The following LMO2 variants were observed in gnomAD, a reference collection of about 807,000 sequenced individuals.
LMO2 encodes the protein LIM domain only 2.
Under a neutral mutation model 23.2 loss-of-function variants are expected in LMO2, and 20 were observed. The observed-to-expected ratio is 0.86, with a 90% confidence interval of 0.61 to 1.25. The LOEUF (loss-of-function observed/expected upper bound fraction) is 1.25. Among genes scored for constraint, LMO2 ranks in the 50% most tolerant of loss-of-function variants. The pLI is 0.00. For synonymous variants in LMO2, 123 were observed against 130.2 expected, an observed-to-expected ratio of 0.94 and a Z score of 0.38; for missense variants, 270 against 315.3, an observed-to-expected ratio of 0.86 and a Z score of 1.09.
rs1048341688 is a variant in LMO2, at chr11:33,880,553, G to A, written c.-272+1271C>T. Reference sequence around the variant, plus strand: ...ATTGTTTAATGGACAAAACATTTCAGTTGGAAAACATTAAAAAGTTCTAGA... The same window carrying A: ...ATTGTTTAATGGACAAAACATTTCAATTGGAAAACATTAAAAAGTTCTAGA... On this transcript the variant is annotated intron_variant, in intron 2 of 5. Transcript: ENST00000257818. This position sits in a 1 kb window ranked among gnomAD's most constrained non-coding sequence, Gnocchi z 4.3. The A allele has an allele frequency of 1.3e-5, 2 of 152,186 alleles. No individual in the cohort carries two copies. The highest frequency in any genetic ancestry group is 2.4e-5 in the African/African-American group (1 of 41,410). The allele number at this position is 152,186 out of a possible 1,614,324, so 9.4% of individuals were successfully genotyped here.
Position 33,859,355 on chromosome 11 carries a change from C to G in LMO2, c.*1G>C, listed in dbSNP as rs1488937071. 3 of 1,611,960 alleles carry G rather than the reference C, an allele frequency of 1.9e-6. No homozygotes were observed. The highest frequency in any genetic ancestry group is 1.7e-4 in the Middle Eastern group (1 of 6,020). The stretch of plus-strand genomic sequence containing the variant: ...CCCCAAAGATGCCCGGGGACTCGGG[C>G]CTATATCATCCCATTGATCTTAGTC... On this transcript the variant is annotated 3_prime_UTR_variant, in exon 6 of 6. Transcript: ENST00000257818.
intron 2 of LMO2, among the ~76,000 whole-genome samples, chr11:33,871,461 G>A (rs1161193065): frequency 1.3e-5 from 2 of 151,254 alleles, no homozygotes; most frequent in Admixed American, 6.6e-5. Flanking sequence ...CTAGCTACTC[G>A]GGAGGCGGAG....
intron 2 of LMO2, chr11:33,870,597 C>T: frequency 1.0e-6 from 1 of 985,548 alleles, no homozygotes; most frequent in Non-Finnish European, 1.2e-6. Context: ...CAGCTAATCC[C>T]AGAGGGAGGG....
intron 2 of LMO2, chr11:33,881,011 C>T (rs1857267991): frequency 5.7e-6 from 2 of 352,502 alleles, no homozygotes; most frequent in African/African-American, 2.1e-5. Flanking sequence ...TGCAAAGCCA[C>T]AGCATTAAGG....
intron 2 of LMO2, chr11:33,870,488 C>A (rs1199442203): frequency 1.0e-6 from 1 of 983,314 alleles, no homozygotes; most frequent in South Asian, 4.7e-5. Flanking sequence ...CTGCGGGCTC[C>A]GGGCTGCGGG....
intron 2 of LMO2, among the ~76,000 whole-genome samples, chr11:33,877,234 C>T (rs1373396152): frequency 6.6e-6 from 1 of 152,178 alleles, no homozygotes; most frequent in Non-Finnish European, 1.5e-5. Context: ...AAGAAGGTGC[C>T]AGAAGCCATT....
rs574563525 is a variant in LMO2, at chr11:33,869,250, C to G, written c.248+96G>C. On this transcript the variant is annotated intron_variant, in intron 4 of 5. Coordinates refer to ENST00000257818, the MANE Select transcript of LMO2 (RefSeq NM_005574.4). ...CCAAGGGCACGCCGCGAGCGCGCAC[C>G]TGGAGCCCCCTCGCGGGCCGCCCGG... is the stretch of plus-strand genomic sequence containing the variant. The G allele has an allele frequency of 2.0e-5, 19 of 939,348 alleles. 1 individual carries two copies. In the South Asian group the frequency reaches 8.2e-4, roughly 40 times the overall value. 58.2% of individuals were successfully genotyped at this position (939,348 alleles called of 1,614,324 possible).
In LMO2 at chr11:33,869,867, A is replaced by G; in HGVS notation, c.-151T>C. ...GCGCGCTGCTCGCCGCCGAGGGCAG[A>G]GAGGGGGCGGCGGCCTAGGGGCGGG... On this transcript the variant is annotated 5_prime_UTR_variant, in exon 3 of 6. Transcript: ENST00000257818. 2 of 1,053,564 alleles carry G rather than the reference A, an allele frequency of 1.9e-6. No homozygotes were observed. Among genetic ancestry groups the G allele is most frequent in the South Asian group, 4.6e-5 (1 of 21,934 alleles). 65.3% of individuals were successfully genotyped at this position (1,053,564 alleles called of 1,614,324 possible). A position where few individuals can be genotyped will look rare whatever the true frequency, so the allele number is the denominator to read the frequency against.
intron 4 of LMO2, chr11:33,865,076 G>T: frequency 1.9e-6 from 1 of 539,058 alleles, no homozygotes; most frequent in South Asian, 2.0e-5. Flanking sequence ...AAAGGCAATT[G>T]CAGGTGGCAC....
intron 5 of LMO2, among the ~76,000 whole-genome samples, chr11:33,860,182 T>C (rs546234853): frequency 6.6e-6 from 1 of 152,254 alleles, no homozygotes; most frequent in South Asian, 2.1e-4. Context: ...AAACACGCGG[T>C]GCAGCTAATC....
chr11:33,885,169 C>T (rs1004690667), intron 1 of LMO2, among the ~76,000 whole-genome samples: 14 of 152,208 alleles, frequency 9.2e-5, no homozygotes, highest in South Asian at 4.1e-4. Context: ...GTATTTGGGA[C>T]GTCAGGAAGA....
intron 5 of LMO2, among the ~76,000 whole-genome samples, chr11:33,859,965 G>A (rs1329649964): frequency 6.6e-6 from 1 of 152,112 alleles, no homozygotes; most frequent in African/African-American, 2.4e-5. Flanking sequence ...GCTGGAGAGA[G>A]ACCCTAGGGG....
At chr11:33,890,747 G>T (rs1857526274) in intron 1 of LMO2, among the ~76,000 whole-genome samples, 2 of 151,940 alleles carry the variant, frequency 1.3e-5, no homozygotes, top group Admixed American at 6.6e-5. Flanking sequence ...GACTGATGAG[G>T]GCTAAGTACC....
chr11:33,880,152 CATATATATACATATG>C lies in LMO2; in HGVS notation c.-272+1657_-272+1671del, dbSNP rs1279226769. On this transcript the variant is annotated intron_variant, in intron 2 of 5. Coordinates refer to ENST00000257818, the MANE Select transcript of LMO2 (RefSeq NM_005574.4). This position sits in a 1 kb window ranked among gnomAD's most constrained non-coding sequence, Gnocchi z 4.3. ...ATATACGCATACTATTTTATGTGTA[CATATATATACATATG>C]ATATATACACATGATATATATATCA... is the stretch of plus-strand genomic sequence containing the variant. Among the ~76,000 whole-genome samples the C allele has an allele frequency of 2.6e-5, 1 of 38,058 alleles. No homozygotes were observed. Among genetic ancestry groups the C allele is most frequent in the African/African-American group, 1.1e-4 (1 of 8,860 alleles). 25.0% of individuals were successfully genotyped at this position (38,058 alleles called of 152,430 possible). A position where few individuals can be genotyped will look rare whatever the true frequency, so the allele number is the denominator to read the frequency against.
Position 33,880,411 on chromosome 11 carries a change from G to A in LMO2, c.-272+1413C>T, listed in dbSNP as rs79029462. 6.7e-3 allele frequency among the ~76,000 whole-genome samples: 1,013 copies of A among 152,060 alleles called. 12 individuals are homozygous for A. The highest frequency in any genetic ancestry group is 0.021 in the African/African-American group (874 of 41,460). On this transcript the variant is annotated intron_variant, in intron 2 of 5. Coordinates refer to ENST00000257818, the MANE Select transcript of LMO2 (RefSeq NM_005574.4). This position sits in a 1 kb window ranked among gnomAD's most constrained non-coding sequence, Gnocchi z 4.3. Reference sequence around the variant, plus strand: ...AATTTGAAGACATTGAGTGATATAAGCCAGTCCTGAGAGGACAAAGACTAT... The same window carrying A: ...AATTTGAAGACATTGAGTGATATAAACCAGTCCTGAGAGGACAAAGACTAT...
At chr11:33,860,705 G>A (rs566157516) in intron 5 of LMO2, among the ~76,000 whole-genome samples, 13 of 152,274 alleles carry the variant, frequency 8.5e-5, no homozygotes, top group East Asian at 3.9e-4. Context: ...GGGAGGTGGA[G>A]GTTGCAGTGA....
At chr11:33,866,055 T>G (rs950522499) in intron 4 of LMO2, among the ~76,000 whole-genome samples, 3 of 152,202 alleles carry the variant, frequency 2.0e-5, no homozygotes, top group African/African-American at 7.2e-5. Context: ...AATCCATGTC[T>G]CCTATTTCTA....
In LMO2 at chr11:33,869,720, G is replaced by T. The variant is rs1239561782; in HGVS notation, c.-4C>A. On this transcript the variant is annotated 5_prime_UTR_variant, in exon 3 of 6. Coordinates refer to ENST00000257818, the MANE Select transcript of LMO2 (RefSeq NM_005574.4). ...TGCTCAGGACTTAACCTTCCATCCC[G>T]GTCCCGCCGCCGCCACCGCCCGGTC... 1.9e-5 allele frequency: 24 copies of T among 1,292,122 alleles called. No individual in the cohort carries two copies. The highest frequency in any genetic ancestry group is 2.4e-5 in the Non-Finnish European group (24 of 1,001,640). 80.0% of individuals were successfully genotyped at this position (1,292,122 alleles called of 1,614,324 possible).
intron 1 of LMO2, among the ~76,000 whole-genome samples, chr11:33,887,220 T>C (rs1049899051): frequency 1.3e-5 from 2 of 152,248 alleles, no homozygotes; most frequent in Non-Finnish European, 2.9e-5. Context: ...ATTTTGTAGC[T>C]TTAAGAGAAT....
Sources: allele counts gnomAD v4.1 joint callset (sites outside exome capture counted in the v4.1 genomes callset), GRCh38; gene constraint gnomAD v4.1.1; non-coding constraint Gnocchi (gnomAD v3.1); transcripts MANE v1.5; gene names NCBI Gene and HGNC (gene_info 2026-07-23, HGNC 2026-07-21).